Variants in FAM107B observed in about 807,000 individuals in gnomAD.
FAM107B encodes the protein protein FAM107B.
A neutral mutation model predicts 31.5 loss-of-function variants in FAM107B; 21 were observed. The observed-to-expected ratio is 0.67, with a 90% confidence interval of 0.47 to 0.96. The LOEUF (loss-of-function observed/expected upper bound fraction) is 0.96, where lower values mean the gene tolerates loss of function less well. FAM107B is among the 40% of genes least tolerant of loss of function. FAM107B has a pLI of 0.00. For missense variants in FAM107B, 452 were observed against 377.1 expected (o/e 1.20, Z -1.64); for synonymous variants, 157 against 141.5 (o/e 1.11, Z -0.78).
chr10:14,664,455 G>A (rs913295), intron 2 of FAM107B, among the ~76,000 whole-genome samples: 4 of 152,018 alleles, frequency 2.6e-5, no homozygotes, highest in African/African-American at 9.7e-5. Context: ...ACCCATAAGA[G>A]TATACTACTG....
intron 1 of FAM107B, among the ~76,000 whole-genome samples, chr10:14,731,893 A>T (rs1034112236): frequency 2.0e-5 from 3 of 152,198 alleles, no homozygotes; most frequent in Admixed American, 1.3e-4. Context: ...TGTTCACACA[A>T]CGATAAAATC....
chr10:14,702,796 T>C lies in FAM107B; in HGVS notation c.412-35105A>G, dbSNP rs1345497136. Among the ~76,000 whole-genome samples, 4 of 152,132 alleles carry C rather than the reference T, an allele frequency of 2.6e-5. No individual in the cohort carries two copies. The East Asian group carries it at 7.7e-4, about 29-fold the overall frequency. On this transcript the variant is annotated intron_variant, in intron 1 of 4. Coordinates refer to ENST00000181796, the MANE Select transcript of FAM107B (RefSeq NM_031453.4). ...AAACATGGCTTCCTTTTAAAATGAGTATTTTGCCCTCAAAGATCAACAGAC... is the reference window on the plus strand; with the variant it reads ...AAACATGGCTTCCTTTTAAAATGAGCATTTTGCCCTCAAAGATCAACAGAC...
intron 2 of FAM107B, among the ~76,000 whole-genome samples, chr10:14,644,587 T>G (rs1235829706): frequency 6.6e-6 from 1 of 152,282 alleles, no homozygotes; most frequent in Non-Finnish European, 1.5e-5. Flanking sequence ...GTTTTGCTTC[T>G]CATTTGCCAT....
chr10:14,666,421 T>A (rs1854404989), intron 2 of FAM107B, among the ~76,000 whole-genome samples: 7 of 152,072 alleles, frequency 4.6e-5, no homozygotes, highest in Admixed American at 4.6e-4. Context: ...CTCACTATCA[T>A]GAGAACAGCA....
intron 1 of FAM107B, among the ~76,000 whole-genome samples, chr10:14,678,705 C>T (rs1432001811): frequency 1.3e-5 from 2 of 151,908 alleles, no homozygotes. Context: ...GGAAAAAGAA[C>T]TTCAATATGA....
chr10:14,714,409 G>A (rs376108728), intron 1 of FAM107B, among the ~76,000 whole-genome samples: 2 of 152,204 alleles, frequency 1.3e-5, no homozygotes, highest in African/African-American at 4.8e-5. Flanking sequence ...GGCTCAGGAC[G>A]CAGGGATGAT....
intron 2 of FAM107B, chr10:14,553,187 G>T: frequency 3.7e-6 from 1 of 271,246 alleles, no homozygotes; most frequent in Non-Finnish European, 6.8e-6. Flanking sequence ...TTTTACCTGT[G>T]TGTGAATGAG....
intron 2 of FAM107B, among the ~76,000 whole-genome samples, chr10:14,614,326 C>A (rs902199856): frequency 6.6e-6 from 1 of 152,010 alleles, no homozygotes; most frequent in Non-Finnish European, 1.5e-5. Context: ...GAGGCCTGTG[C>A]CCAGGGCGCT....
In FAM107B at chr10:14,756,484, C is replaced by T. The variant is rs113592142; in HGVS notation, c.411+17769G>A. 2.6e-3 allele frequency among the ~76,000 whole-genome samples: 403 copies of T among 152,144 alleles called. 5 individuals are homozygous for T. The South Asian group carries it at 0.028, about 11-fold the overall frequency. On this transcript the variant is annotated intron_variant, in intron 1 of 4. Coordinates refer to ENST00000181796, the MANE Select transcript of FAM107B (RefSeq NM_031453.4). The stretch of plus-strand genomic sequence containing the variant: ...CTTTAAGAAGAAAGACTGGGGTTTC[C>T]CAACAAAAAAGGATTCTGCCTCAAG...
At chr10:14,531,587 AC>A (rs1470220107) in intron 2 of FAM107B, among the ~76,000 whole-genome samples, 1 of 151,114 alleles carries the variant, frequency 6.6e-6, no homozygotes, top group African/African-American at 2.4e-5. Context: ...CATATATGTA[AC>A]CCCAGCACTT....
intron 1 of FAM107B, among the ~76,000 whole-genome samples, chr10:14,757,182 A>G (rs1042217337): frequency 6.6e-6 from 1 of 152,156 alleles, no homozygotes; most frequent in Non-Finnish European, 1.5e-5. Flanking sequence ...ATAATAAAAC[A>G]TTTTTTAAAA....
intron 2 of FAM107B, among the ~76,000 whole-genome samples, chr10:14,655,382 T>C (rs1410126682): frequency 6.6e-6 from 1 of 152,200 alleles, no homozygotes; most frequent in African/African-American, 2.4e-5. Flanking sequence ...TTGATAGGGT[T>C]TTCTTTTCTT....
intron 2 of FAM107B, among the ~76,000 whole-genome samples, chr10:14,563,488 T>C (rs986206797): frequency 3.9e-5 from 6 of 152,228 alleles, no homozygotes; most frequent in African/African-American, 1.4e-4. Flanking sequence ...AATATATGGC[T>C]GCAAAATCTG....
chr10:14,774,360 C>T lies in FAM107B; in HGVS notation c.304G>A (p.Ala102Thr), dbSNP rs1276597900. Residue 102 changes from alanine (A) to threonine (T), a missense_variant, in exon 1 of 5, where the codon GCG becomes ACG. Ala to Thr is a moderately conservative substitution (Grantham distance 58, BLOSUM62 0). Coordinates refer to ENST00000181796, the MANE Select transcript of FAM107B (RefSeq NM_031453.4). Reference protein sequence around the residue: ...NSSHRTAAQPAETPEDVPGSL... With the variant: ...NSSHRTAAQPTETPEDVPGSL... ...CCGGGCACATCTTCAGGCGTCTCCGCGGGCTGGGCCGCAGTGCGGTGACTT... is the reference window on the plus strand; with the variant it reads ...CCGGGCACATCTTCAGGCGTCTCCGTGGGCTGGGCCGCAGTGCGGTGACTT... The T allele has an allele frequency of 6.2e-7, 1 of 1,614,096 alleles. No individual in the cohort carries two copies. The highest frequency in any genetic ancestry group is 1.3e-5 in the African/African-American group (1 of 74,928).
At chr10:14,712,618 C>A (rs80094649) in intron 1 of FAM107B, among the ~76,000 whole-genome samples, 16,468 of 99,028 alleles carry the variant, frequency 0.17, 1,334 homozygotes, top group African/African-American at 0.3. Flanking sequence ...CACCAAAAAA[C>A]AAAAAAAAAA....
chr10:14,662,551 A>T (rs1004094517), intron 2 of FAM107B, among the ~76,000 whole-genome samples: 2 of 151,744 alleles, frequency 1.3e-5, no homozygotes, highest in African/African-American at 4.8e-5. Flanking sequence ...TAATTTTTTA[A>T]TTTTTTTGTA....
intron 1 of FAM107B, among the ~76,000 whole-genome samples, chr10:14,690,540 A>G (rs368229080): frequency 6.6e-5 from 10 of 151,544 alleles, no homozygotes; most frequent in South Asian, 2.1e-4. Flanking sequence ...TGCAACCTCT[A>G]CCTCCCAGGT....
chr10:14,680,467 G>A (rs1403081988), intron 1 of FAM107B, among the ~76,000 whole-genome samples: 3 of 151,844 alleles, frequency 2.0e-5, no homozygotes, highest in Admixed American at 6.6e-5. Context: ...CCAGCTACTC[G>A]GGAGGCTGAG....
chr10:14,731,150 G>C (rs1856162957), intron 1 of FAM107B, among the ~76,000 whole-genome samples: 2 of 152,080 alleles, frequency 1.3e-5, no homozygotes. Context: ...CAATCCATTG[G>C]TCCATTTATT....
Sources: gnomAD v4.1 joint callset for allele counts (sites outside exome capture counted in the v4.1 genomes callset) on GRCh38, gnomAD v4.1.1 for gene constraint, MANE v1.5 for transcripts, NCBI Gene and HGNC (gene_info 2026-07-23, HGNC 2026-07-21) for gene names.